The following NISCH variants were observed in gnomAD, a reference collection of about 807,000 sequenced individuals.
The protein encoded by NISCH is nischarin.
In NISCH, 55 loss-of-function variants were observed where a neutral mutation model predicts 138.4. The ratio of observed to expected loss-of-function variants is 0.40; its 90% CI spans 0.32 to 0.50. The LOEUF (loss-of-function observed/expected upper bound fraction) is 0.50. Ranked by LOEUF, NISCH falls within the 20% of genes least tolerant of loss-of-function variation. The pLI is 0.71. For missense variants in NISCH, 1,643 were observed against 2,005.5 expected (o/e 0.82, Z 3.45); for synonymous variants, 860 against 861.5 (o/e 1.00, Z 0.03).
chr3:52,486,998 G>A (rs977780491), intron 15 of NISCH, among the ~76,000 whole-genome samples, 198 bp from the exon 16 acceptor site: 35 of 152,326 alleles, frequency 2.3e-4, no homozygotes, highest in Non-Finnish European at 3.5e-4. Context: ...CCAAACTGGC[G>A]ACCCAGCCTT....
At chr3:52,484,929 C>T (rs1707368689) in intron 14 of NISCH, among the ~76,000 whole-genome samples, 1 of 152,086 alleles carries the variant, frequency 6.6e-6, no homozygotes, top group Non-Finnish European at 1.5e-5. Context: ...ACGAGGGGGG[C>T]AGGTGGAGAG....
Position 52,478,146 on chromosome 3 carries a change from C to T in NISCH, c.1037C>T (p.Ser346Phe), listed in dbSNP as rs141115377. Residue 346 changes from serine to phenylalanine, a missense_variant, in exon 10 of 21, where the codon TCC (serine) becomes TTC (phenylalanine). Coordinates refer to ENST00000345716, the MANE Select transcript of NISCH (RefSeq NM_007184.4). Reference protein sequence around the residue: ...HLDLSYNKLSSLEGLHTKLGN... With the variant: ...HLDLSYNKLSFLEGLHTKLGN... Reference sequence around the variant, plus strand: ...GACCTGTCCTACAACAAGCTCTCCTCCTTGGAAGGGCTTCACACCAAGCTG... The same window carrying T: ...GACCTGTCCTACAACAAGCTCTCCTTCTTGGAAGGGCTTCACACCAAGCTG... 7 of 1,613,996 alleles carry T rather than the reference C, an allele frequency of 4.3e-6. No individual in the cohort carries two copies. In the African/African-American group the frequency reaches 9.3e-5, roughly 22 times the overall value.
At chr3:52,459,514 A>G (rs936664275) in intron 3 of NISCH, among the ~76,000 whole-genome samples, 12 of 151,712 alleles carry the variant, frequency 7.9e-5, no homozygotes, top group African/African-American at 2.7e-4. Context: ...GCTCACTACA[A>G]CCTCCGCCTC....
intron 18 of NISCH, 72 bp downstream of exon 18, chr3:52,490,303 T>C (rs1320017330): frequency 1.3e-6 from 2 of 1,541,996 alleles, no homozygotes; most frequent in Non-Finnish European, 1.8e-6. Flanking sequence ...GGTCATTCTC[T>C]GGAGCCAGCT....
At chr3:52,477,690 C>T (rs756621315) in intron 9 of NISCH, 48 bp downstream of exon 9, 6 of 1,499,258 alleles carry the variant, frequency 4.0e-6, no homozygotes, top group Admixed American at 3.3e-5. Flanking sequence ...CCCAAGGCCC[C>T]GCCCTGAGAT....
intron 16 of NISCH, 103 bp downstream of exon 16, chr3:52,488,708 TG>T (rs1421290910): frequency 9.7e-7 from 1 of 1,025,824 alleles, no homozygotes; most frequent in African/African-American, 1.6e-5. Context: ...CTGCGAGAGC[TG>T]GGCCCCCTCC....
chr3:52,474,587 C>T (rs1315297332), intron 7 of NISCH, among the ~76,000 whole-genome samples: 4 of 152,154 alleles, frequency 2.6e-5, no homozygotes, highest in Admixed American at 6.5e-5. Flanking sequence ...TGAGCCACCG[C>T]GCCCGGCCTA....
In NISCH at chr3:52,488,544, G is replaced by A. The variant is rs570899553; in HGVS notation, c.3052G>A (p.Gly1018Arg). Residue 1018 changes from glycine to arginine, a missense_variant, in exon 16 of 21, where the codon GGG becomes AGG. Coordinates refer to ENST00000345716, the MANE Select transcript of NISCH (RefSeq NM_007184.4). ...LKTVVIAKTPGTGGSPQGSFA... is the reference protein window; with the variant it reads ...LKTVVIAKTPRTGGSPQGSFA... ...GACTGTGGTCATCGCCAAGACCCCCGGGACGGGAGGCAGCCCCCAGGGCTC... is the reference window on the plus strand; with the variant it reads ...GACTGTGGTCATCGCCAAGACCCCCAGGACGGGAGGCAGCCCCCAGGGCTC... 26 of 1,612,990 alleles carry A rather than the reference G, an allele frequency of 1.6e-5. No homozygotes were observed. Among genetic ancestry groups the A allele is most frequent in the South Asian group, 8.8e-5 (8 of 91,078 alleles).
chr3:52,478,677 C>G, intron 11 of NISCH, 100 bp downstream of exon 11: 2 of 1,156,720 alleles, frequency 1.7e-6, no homozygotes, highest in East Asian at 5.0e-5. Flanking sequence ...TCTACCCTTG[C>G]CTGCTTCAGA....
intron 3 of NISCH, among the ~76,000 whole-genome samples, chr3:52,463,176 G>C (rs1057239409): frequency 6.6e-6 from 1 of 152,170 alleles, no homozygotes; most frequent in African/African-American, 2.4e-5. Context: ...GGATTTGCCT[G>C]TTCTGGACAT....
At position 52,488,261 on chromosome 3, in the gene NISCH, C is replaced by T. The variant is rs763023563; in HGVS notation, c.2769C>T (p.Asp923=). The part of the protein sequence containing the change: ...TPQHLNVIKA[D]FNPMPNRGTH... ...AGCACCTCAACGTCATCAAGGCCGA[C>T]TTCAACCCCATGCCCAACCGTGGCA... Residue 923 remains aspartate (D), a synonymous_variant, in exon 16 of 21, where the codon GAC becomes GAT. Coordinates refer to ENST00000345716, the MANE Select transcript of NISCH (RefSeq NM_007184.4). The T allele has an allele frequency of 3.1e-6, 5 of 1,610,714 alleles. No individual in the cohort carries two copies. In the South Asian group the frequency reaches 4.4e-5, roughly 14 times the overall value.
At chr3:52,476,344 T>C in intron 7 of NISCH, 103 bp from the exon 8 acceptor site, 1 of 1,305,078 alleles carries the variant, frequency 7.7e-7, no homozygotes, top group South Asian at 1.3e-5. Context: ...TTCCACATGC[T>C]AAATATGCTC....
chr3:52,481,567 A>G, intron 13 of NISCH: 2 of 985,512 alleles, frequency 2.0e-6, no homozygotes, highest in Non-Finnish European at 2.4e-6. Context: ...ATATGACTGT[A>G]GGCCTCTGGG....
chr3:52,490,951 C>T, intron 19 of NISCH, 118 bp downstream of exon 19: 2 of 1,417,744 alleles, frequency 1.4e-6, no homozygotes, highest in Middle Eastern at 2.2e-4. Context: ...TCAAGAGCCA[C>T]TTCTTAACCG....
intron 20 of NISCH, 178 bp downstream of exon 20, chr3:52,491,691 A>C: frequency 9.5e-7 from 1 of 1,054,320 alleles, no homozygotes; most frequent in South Asian, 1.6e-5. Flanking sequence ...CAGTCCCTCA[A>C]CCATCTGGCA....
intron 3 of NISCH, among the ~76,000 whole-genome samples, chr3:52,461,599 C>T (rs1292253686): frequency 6.6e-6 from 1 of 152,196 alleles, no homozygotes; most frequent in Admixed American, 6.5e-5. Flanking sequence ...CGCAGTGGCT[C>T]ACGCCTGTAA....
intron 3 of NISCH, 150 bp from the exon 4 acceptor site, chr3:52,470,709 G>C: frequency 1.4e-6 from 1 of 702,074 alleles, no homozygotes; most frequent in Middle Eastern, 2.5e-4. Context: ...TAAGCTTCTT[G>C]CTTCATTGTA....
intron 16 of NISCH, 67 bp downstream of exon 16, chr3:52,488,672 C>T (rs1212887728): frequency 7.5e-7 from 1 of 1,340,436 alleles, no homozygotes; most frequent in African/African-American, 1.5e-5. Context: ...ATCTCAGCAT[C>T]TGCGGCTAGT....
chr3:52,487,772 C>G lies in NISCH; in HGVS notation c.2280C>G (p.Val760=). The G allele has an allele frequency of 1.9e-6, 3 of 1,613,826 alleles. No individual in the cohort carries two copies. The highest frequency in any genetic ancestry group is 2.5e-6 in the Non-Finnish European group (3 of 1,180,012). ...SQHILSSLRF[V]FCFPHGDLTE... ...ACATCCTCTCCTCCCTGCGCTTTGT[C>G]TTTTGCTTCCCGCATGGCGACCTCA... Residue 760 remains valine (V), a synonymous_variant, in exon 16 of 21, where the codon GTC becomes GTG. Transcript: ENST00000345716. The surrounding 1 kb of genome is among the most constrained non-coding windows in gnomAD (Gnocchi z 9.1).
Sources: gnomAD v4.1 joint callset for allele counts (sites outside exome capture counted in the v4.1 genomes callset) on GRCh38, gnomAD v4.1.1 for gene constraint, Gnocchi (gnomAD v3.1) non-coding constraint, MANE v1.5 for transcripts, NCBI Gene and HGNC (gene_info 2026-07-23, HGNC 2026-07-21) for gene names.